Variants in RPS10 observed in about 807,000 individuals in gnomAD.
RPS10 encodes ribosomal protein S10, also known as small ribosomal subunit protein eS10.
Under a neutral mutation model 22.6 loss-of-function variants are expected in RPS10, and 2 were observed. The observed-to-expected ratio is 0.09, with a 90% CI of 0.04 to 0.28. The LOEUF (loss-of-function observed/expected upper bound fraction) is 0.28. Among genes scored for constraint, RPS10 ranks in the 10% least tolerant of loss-of-function variants. The pLI, the probability that RPS10 is intolerant of heterozygous loss-of-function variation, is 1.00. For missense variants in RPS10, 137 were observed against 222.2 expected, an observed-to-expected ratio of 0.62 and a Z score of 2.44; for synonymous variants, 70 against 75.9, an observed-to-expected ratio of 0.92 and a Z score of 0.40.
intron 3 of RPS10, among the ~76,000 whole-genome samples, chr6:34,423,978 T>C (rs1368175597): frequency 6.6e-6 from 1 of 151,868 alleles, no homozygotes; most frequent in African/African-American, 2.4e-5. Context: ...CTGGGCCCTC[T>C]GATGATCACA....
chr6:34,421,648 G>C lies in RPS10; in HGVS notation c.400+82C>G, dbSNP rs1410276324. The C allele has an allele frequency of 2.6e-6, 4 of 1,518,486 alleles. No individual in the cohort carries two copies. The Admixed American group carries it at 5.0e-5, about 19-fold the overall frequency. The allele number at this position is 1,518,486 out of a possible 1,614,324, so 94.1% of individuals were successfully genotyped here. On this transcript the variant is annotated intron_variant, in intron 4 of 5. Transcript: ENST00000648437. ...GGTCATTTTGTCATCATCAAGGGCT[G>C]AGCCCCACCCAGCCAGAGCCAGCTG...
chr6:34,423,328 C>T (rs1322297568), intron 3 of RPS10, among the ~76,000 whole-genome samples: 1 of 152,110 alleles, frequency 6.6e-6, no homozygotes, highest in East Asian at 1.9e-4. Flanking sequence ...GACGGAGTCT[C>T]ACTATACTGC....
intron 3 of RPS10, among the ~76,000 whole-genome samples, chr6:34,423,076 CAA>C (rs1476404123): frequency 2.6e-5 from 4 of 151,996 alleles, no homozygotes; most frequent in African/African-American, 9.7e-5. Context: ...TATAAACAAA[CAA>C]ACAAACACAA....
chr6:34,421,923 T>G, intron 3 of RPS10, 116 bp from the exon 4 acceptor site: 1 of 1,007,880 alleles, frequency 9.9e-7, no homozygotes, highest in Non-Finnish European at 1.6e-6. Flanking sequence ...TTGGTTAAGA[T>G]GGGTTAATGG....
chr6:34,418,037 C>A (rs1554163284), intron 5 of RPS10: 2 of 761,494 alleles, frequency 2.6e-6, no homozygotes, highest in Non-Finnish European at 4.2e-6. Flanking sequence ...ATTACATCAA[C>A]TGAAAAAAGA....
Sources: allele counts gnomAD v4.1 joint callset (sites outside exome capture counted in the v4.1 genomes callset), GRCh38; gene constraint gnomAD v4.1.1; transcripts MANE v1.5; gene names NCBI Gene and HGNC (gene_info 2026-07-23, HGNC 2026-07-21).